OXCT1: variants seen among roughly 807,000 people sequenced by gnomAD.
OXCT1 encodes the protein 3-oxoacid CoA-transferase 1, also known as succinyl-CoA:3-ketoacid coenzyme A transferase 1, mitochondrial.
In OXCT1, 27 loss-of-function variants were observed where a neutral mutation model predicts 69.6. The observed-to-expected ratio is 0.39, with a 90% CI of 0.29 to 0.54. The LOEUF (loss-of-function observed/expected upper bound fraction) is 0.54. OXCT1 is among the 20% of genes least tolerant of loss of function. OXCT1 has a pLI of 0.72. For synonymous variants in OXCT1, 202 were observed against 217.8 expected (o/e 0.93, Z 0.64); for missense variants, 437 against 650.2 (o/e 0.67, Z 3.57).
At chr5:41,806,493 G>A (rs1369717647) in intron 8 of OXCT1, among the ~76,000 whole-genome samples, 1 of 152,048 alleles carries the variant, frequency 6.6e-6, no homozygotes, top group Non-Finnish European at 1.5e-5. Flanking sequence ...GCGGCCTAGT[G>A]GGAAGTGTTG....
At chr5:41,760,938 A>T (rs75658144) in intron 14 of OXCT1, among the ~76,000 whole-genome samples, 3,528 of 152,228 alleles carry the variant, frequency 0.023, 55 homozygotes, top group South Asian at 0.039. Context: ...AGCAGGTGGG[A>T]TGTGAATCTT....
At chr5:41,767,940 C>T (rs1744696905) in intron 13 of OXCT1, among the ~76,000 whole-genome samples, 1 of 151,648 alleles carries the variant, frequency 6.6e-6, no homozygotes. Flanking sequence ...GCCAAATTAA[C>T]AGCTCTGTCC....
At chr5:41,851,111 C>T (rs1391988818) in intron 4 of OXCT1, among the ~76,000 whole-genome samples, 1 of 152,116 alleles carries the variant, frequency 6.6e-6, no homozygotes, top group Non-Finnish European at 1.5e-5. Context: ...GCCTGGGCAA[C>T]ATAATGAGAT....
Position 41,849,951 on chromosome 5 carries a change from C to T in OXCT1, c.564+79G>A. On this transcript the variant is annotated intron_variant, in intron 5 of 16. Coordinates refer to ENST00000196371, the MANE Select transcript of OXCT1 (RefSeq NM_000436.4). Reference sequence around the variant, plus strand: ...TTTCTCACATAGAGGTGATTTTATACTTATTTGCCCAATGATCCACCCAAA... The same window carrying T: ...TTTCTCACATAGAGGTGATTTTATATTTATTTGCCCAATGATCCACCCAAA... 3 of 1,404,796 alleles carry T rather than the reference C, an allele frequency of 2.1e-6. No individual in the cohort carries two copies. The Admixed American group carries it at 5.0e-5, about 24-fold the overall frequency. The allele number at this position is 1,404,796 out of a possible 1,614,324, so 87.0% of individuals were successfully genotyped here.
At chr5:41,736,253 A>C (rs952454033) in intron 16 of OXCT1, among the ~76,000 whole-genome samples, 1 of 152,214 alleles carries the variant, frequency 6.6e-6, no homozygotes, top group Non-Finnish European at 1.5e-5. Context: ...TTCAGGTTCC[A>C]GAAATATAAT....
intron 14 of OXCT1, among the ~76,000 whole-genome samples, chr5:41,751,050 TA>T (rs1743757853): frequency 6.6e-6 from 1 of 152,168 alleles, no homozygotes; most frequent in Admixed American, 6.6e-5. Context: ...GTTGCAGAAA[TA>T]AAGCTTCATT....
chr5:41,839,820 G>A (rs1398509504), intron 7 of OXCT1, among the ~76,000 whole-genome samples: 1 of 152,192 alleles, frequency 6.6e-6, no homozygotes, highest in East Asian at 1.9e-4. Flanking sequence ...TGGGTTCCAA[G>A]TTGATCCTCA....
At chr5:41,757,159 TG>T (rs1414230132) in intron 14 of OXCT1, among the ~76,000 whole-genome samples, 1 of 152,148 alleles carries the variant, frequency 6.6e-6, no homozygotes, top group Non-Finnish European at 1.5e-5. Flanking sequence ...CTCTGGCCAC[TG>T]TGTGTGTTTA....
chr5:41,782,513 GC>G (rs1292123860), intron 13 of OXCT1, among the ~76,000 whole-genome samples: 1 of 152,056 alleles, frequency 6.6e-6, no homozygotes, highest in Non-Finnish European at 1.5e-5. Flanking sequence ...TGCCCCAGGA[GC>G]TTTTTTTCCT....
chr5:41,804,738 G>C (rs977708068), intron 9 of OXCT1, among the ~76,000 whole-genome samples: 1 of 152,056 alleles, frequency 6.6e-6, no homozygotes, highest in African/African-American at 2.4e-5. Context: ...AAAAAGAAAA[G>C]TTCTCCCAGT....
chr5:41,866,130 G>A (rs1749962934), intron 1 of OXCT1, among the ~76,000 whole-genome samples: 1 of 150,256 alleles, frequency 6.7e-6, no homozygotes, highest in Admixed American at 6.7e-5. Flanking sequence ...AAGATACTCA[G>A]GGGTTGTTAG....
intron 7 of OXCT1, among the ~76,000 whole-genome samples, chr5:41,826,550 G>A (rs1432863027): frequency 6.6e-6 from 1 of 152,040 alleles, no homozygotes; most frequent in Non-Finnish European, 1.5e-5. Flanking sequence ...AACAACAGAG[G>A]CTGTAAGGAA....
chr5:41,759,543 G>A (rs892912515), intron 14 of OXCT1, among the ~76,000 whole-genome samples: 15 of 152,068 alleles, frequency 9.9e-5, no homozygotes, highest in South Asian at 2.1e-4. Context: ...CCTGACATAC[G>A]TTGCAGAGGT....
At position 41,762,399 on chromosome 5, in the gene OXCT1, C is replaced by T. The variant is rs576442769; in HGVS notation, c.1249-199G>A. Among the ~76,000 whole-genome samples, 16 of 152,206 alleles carry T rather than the reference C, an allele frequency of 1.1e-4. No individual in the cohort carries two copies. The highest frequency in any genetic ancestry group is 6.2e-4 in the South Asian group (3 of 4,830). ...AGGATAAAGTTCAGGATAAACATTACATCACTTTTATTAAGTGTGGCTAAT... is the reference window on the plus strand; with the variant it reads ...AGGATAAAGTTCAGGATAAACATTATATCACTTTTATTAAGTGTGGCTAAT... On this transcript the variant is annotated intron_variant, in intron 13 of 16. Transcript: ENST00000196371. The surrounding 1 kb of genome is among the most constrained non-coding windows in gnomAD (Gnocchi z 4.0).
intron 11 of OXCT1, among the ~76,000 whole-genome samples, chr5:41,798,553 C>G (rs1438997173): frequency 6.6e-6 from 1 of 152,124 alleles, no homozygotes; most frequent in Admixed American, 6.6e-5. Flanking sequence ...TCAGACCCCA[C>G]CCCATTGAAA....
intron 6 of OXCT1, among the ~76,000 whole-genome samples, chr5:41,842,363 A>G (rs1477223126): frequency 6.6e-6 from 1 of 152,218 alleles, no homozygotes; most frequent in Non-Finnish European, 1.5e-5. Flanking sequence ...GTATGATGTC[A>G]CATTTTCTAA....
At chr5:41,747,385 T>A (rs896419311) in intron 15 of OXCT1, among the ~76,000 whole-genome samples, 17 of 152,096 alleles carry the variant, frequency 1.1e-4, no homozygotes, top group Non-Finnish European at 2.1e-4. Context: ...GGCTCACCAT[T>A]CAATCCAGTT....
chr5:41,776,865 G>GA (rs963035361), intron 13 of OXCT1, among the ~76,000 whole-genome samples: 64 of 150,702 alleles, frequency 4.2e-4, no homozygotes, highest in Middle Eastern at 3.4e-3. Context: ...TAGAGCTTTG[G>GA]AAAAAAAAAT....
At chr5:41,867,706 G>C (rs1750060839) in intron 1 of OXCT1, among the ~76,000 whole-genome samples, 1 of 152,232 alleles carries the variant, frequency 6.6e-6, no homozygotes, top group Non-Finnish European at 1.5e-5. Flanking sequence ...TGACATCCAA[G>C]TGAAGTTCAC....
Sources: allele counts gnomAD v4.1 joint callset (sites outside exome capture counted in the v4.1 genomes callset), GRCh38; gene constraint gnomAD v4.1.1; non-coding constraint Gnocchi (gnomAD v3.1); transcripts MANE v1.5; gene names NCBI Gene and HGNC (gene_info 2026-07-23, HGNC 2026-07-21).